The following HIPK3 variants were observed in gnomAD, a reference collection of about 807,000 sequenced individuals.
HIPK3 encodes the protein homeodomain-interacting protein kinase 3.
In HIPK3, 47 loss-of-function variants were observed where a neutral mutation model predicts 124.2. The ratio of observed to expected loss-of-function variants is 0.38; its 90% CI spans 0.30 to 0.48. The LOEUF is 0.48. HIPK3 is among the 20% of genes least tolerant of loss of function. The pLI, the probability that HIPK3 is intolerant of heterozygous loss-of-function variation, is 0.98. For missense variants in HIPK3, 1,286 were observed against 1,454.3 expected (o/e 0.88, Z 1.88); for synonymous variants, 482 against 515.2 (o/e 0.94, Z 0.87).
chr11:33,302,293 T>A (rs547594153), intron 2 of HIPK3, among the ~76,000 whole-genome samples: 6 of 151,948 alleles, frequency 3.9e-5, no homozygotes, highest in Admixed American at 1.3e-4. Flanking sequence ...TTTTAATGAA[T>A]CCTTACTTGA....
chr11:33,286,316 G>A lies in HIPK3; in HGVS notation c.-2-97G>A, dbSNP rs1169633954. The A allele has an allele frequency of 3.5e-6, 4 of 1,137,630 alleles. No individual in the cohort carries two copies. The African/African-American group carries it at 4.8e-5, about 14-fold the overall frequency. The allele number at this position is 1,137,630 out of a possible 1,614,324, so 70.5% of individuals were successfully genotyped here. A position where few individuals can be genotyped will look rare whatever the true frequency, so the allele number is the denominator to read the frequency against. ...CAAATTGTGAATTTGACCCTTAAGA[G>A]TTTTCTTCCTGATATTTAAAATTGA... On this transcript the variant is annotated intron_variant, in intron 1 of 16. Coordinates refer to ENST00000303296, the MANE Select transcript of HIPK3 (RefSeq NM_005734.5).
At chr11:33,268,620 A>T (rs1485603510) in intron 1 of HIPK3, among the ~76,000 whole-genome samples, 2 of 145,698 alleles carry the variant, frequency 1.4e-5, no homozygotes, top group East Asian at 1.9e-4. Flanking sequence ...AAAAAAATTA[A>T]AAAAAGAATC....
chr11:33,311,669 AC>A (rs939304953), intron 2 of HIPK3, among the ~76,000 whole-genome samples: 1 of 152,130 alleles, frequency 6.6e-6, no homozygotes, highest in Non-Finnish European at 1.5e-5. Context: ...CATTGCTATC[AC>A]GCAAAGTCAG....
chr11:33,338,379 A>C, intron 4 of HIPK3, among the ~76,000 whole-genome samples: 1 of 152,158 alleles, frequency 6.6e-6, no homozygotes, highest in Admixed American at 6.5e-5. Context: ...GACTACAGGC[A>C]TGCGCCACCA....
intron 2 of HIPK3, 28 bp downstream of exon 2, chr11:33,287,539 T>G (rs763529295): frequency 1.1e-5 from 17 of 1,572,480 alleles, no homozygotes; most frequent in Non-Finnish European, 1.5e-5. Context: ...ACTTTTTGGT[T>G]GTTTATTAAT....
chr11:33,319,586 C>G (rs1400622556), intron 2 of HIPK3, among the ~76,000 whole-genome samples: 1 of 151,752 alleles, frequency 6.6e-6, no homozygotes, highest in Non-Finnish European at 1.5e-5. Context: ...AAACAGTTGT[C>G]CCCAATGCAA....
intron 2 of HIPK3, among the ~76,000 whole-genome samples, chr11:33,301,818 T>C (rs1465610715): frequency 3.6e-5 from 1 of 27,596 alleles, no homozygotes; most frequent in African/African-American, 1.1e-4. Flanking sequence ...TGAAACCCTG[T>C]CTGACACACA....
chr11:33,347,233 T>A (rs1200623923), intron 8 of HIPK3, 60 bp from the exon 9 acceptor site: 1 of 1,467,826 alleles, frequency 6.8e-7, no homozygotes, highest in African/African-American at 1.4e-5. Flanking sequence ...TTAAAATAAT[T>A]GTATAAGTTA....
Position 33,348,744 on chromosome 11 carries a change from T to A in HIPK3, c.2592T>A (p.Ser864Arg). Residue 864 changes from serine to arginine, a missense_variant, in exon 13 of 17, where the codon AGT becomes AGA. Physicochemically the swap from Ser to Arg is moderately radical, Grantham distance 110. This residue lies in a region of HIPK3 where 810 missense variants were observed against 864.9 expected (regional missense o/e 0.94). Transcript: ENST00000303296. ...CCATCATTATTGCCGACTCCCCGAGTCCTGCAGTGAGTGTCATCACTATCA... is the reference window on the plus strand; with the variant it reads ...CCATCATTATTGCCGACTCCCCGAGACCTGCAGTGAGTGTCATCACTATCA... ...RQTIIIADSP[S>R]PAVSVITISS... The A allele has an allele frequency of 6.2e-7, 1 of 1,614,100 alleles. No individual in the cohort carries two copies. Among genetic ancestry groups the A allele is most frequent in the Non-Finnish European group, 8.5e-7 (1 of 1,179,982 alleles).
intron 1 of HIPK3, among the ~76,000 whole-genome samples, chr11:33,267,186 G>A (rs912050478): frequency 2.0e-5 from 3 of 151,262 alleles, no homozygotes; most frequent in Non-Finnish European, 2.9e-5. Context: ...GCAGTGGCGC[G>A]ATCTGGGCTC....
intron 1 of HIPK3, among the ~76,000 whole-genome samples, chr11:33,277,102 C>G (rs1007076968): frequency 4.6e-5 from 7 of 152,058 alleles, no homozygotes; most frequent in African/African-American, 1.7e-4. Flanking sequence ...TAATGTAAAC[C>G]CAGGCTATGA....
chr11:33,323,118 A>T (rs887122537), intron 2 of HIPK3, among the ~76,000 whole-genome samples: 1 of 152,270 alleles, frequency 6.6e-6, no homozygotes, highest in African/African-American at 2.4e-5. Flanking sequence ...ATACAAGGGA[A>T]TATTATTCAG....
rs1423064388 is a variant in HIPK3, at chr11:33,257,510, C to T, written c.-382C>T. ...TCCCGGCCGGGGCGTCAGGAATGGGCCCCAATCGCCGTGGGCCCCGCACCC... is the reference window on the plus strand; with the variant it reads ...TCCCGGCCGGGGCGTCAGGAATGGGTCCCAATCGCCGTGGGCCCCGCACCC... On this transcript the variant is annotated 5_prime_UTR_variant, in exon 1 of 17. Coordinates refer to ENST00000303296, the MANE Select transcript of HIPK3 (RefSeq NM_005734.5). The T allele has an allele frequency of 5.1e-6, 5 of 985,648 alleles. No individual in the cohort carries two copies. The highest frequency in any genetic ancestry group is 1.1e-4 in the East Asian group (1 of 8,810). The allele number at this position is 985,648 out of a possible 1,614,324, so 61.1% of individuals were successfully genotyped here.
intron 1 of HIPK3, among the ~76,000 whole-genome samples, chr11:33,268,285 A>T (rs943899532): frequency 1.3e-5 from 2 of 152,156 alleles, no homozygotes; most frequent in African/African-American, 2.4e-5. Flanking sequence ...TTGATATTTT[A>T]TACATGTGTA....
chr11:33,315,178 T>C (rs1565081197), intron 2 of HIPK3, among the ~76,000 whole-genome samples: 1 of 152,222 alleles, frequency 6.6e-6, no homozygotes, highest in African/African-American at 2.4e-5. Flanking sequence ...ATCTGGTCCC[T>C]TAGCTTCTCT....
chr11:33,352,312 G>A, intron 16 of HIPK3, 47 bp downstream of exon 16: 1 of 1,597,484 alleles, frequency 6.3e-7, no homozygotes, highest in Non-Finnish European at 8.6e-7. Context: ...TTCAAATTTA[G>A]CAGTTGTTTT....
intron 2 of HIPK3, among the ~76,000 whole-genome samples, chr11:33,322,820 C>T (rs111850931): frequency 1.3e-5 from 2 of 152,126 alleles, no homozygotes; most frequent in African/African-American, 4.8e-5. Flanking sequence ...AGCGAGACTC[C>T]GTCTCAGAAA....
At chr11:33,342,450 A>T (rs1431758145) in intron 8 of HIPK3, among the ~76,000 whole-genome samples, 1 of 152,200 alleles carries the variant, frequency 6.6e-6, no homozygotes, top group Admixed American at 6.5e-5. Flanking sequence ...GATTGATTTC[A>T]ATTACATTAA....
chr11:33,282,498 A>G (rs978661464), intron 1 of HIPK3, among the ~76,000 whole-genome samples: 1 of 152,176 alleles, frequency 6.6e-6, no homozygotes, highest in Non-Finnish European at 1.5e-5. Context: ...CTTGGCCAAC[A>G]TGACAAAACC....
Sources: allele counts gnomAD v4.1 joint callset (sites outside exome capture counted in the v4.1 genomes callset), GRCh38; gene constraint gnomAD v4.1.1; regional missense constraint gnomAD v4.1.1; transcripts MANE v1.5; gene names NCBI Gene and HGNC (gene_info 2026-07-23, HGNC 2026-07-21).